Variants in ABTB2 observed in about 807,000 individuals in gnomAD.
ABTB2 encodes the protein ankyrin repeat and BTB domain containing 2.
ABTB2 carries 56 observed loss-of-function variants against 104.1 expected under a neutral mutation model. The ratio of observed to expected loss-of-function variants is 0.54; its 90% confidence interval spans 0.43 to 0.67. The LOEUF is 0.67. ABTB2 is among the 30% of genes least tolerant of loss of function. The pLI, the probability that ABTB2 is intolerant of heterozygous loss-of-function variation, is 0.00. For synonymous variants in ABTB2, 606 were observed against 608.2 expected (o/e 1.00, Z 0.05); for missense variants, 1,279 against 1,407.7 (o/e 0.91, Z 1.46).
intron 1 of ABTB2, among the ~76,000 whole-genome samples, chr11:34,244,794 G>A (rs1190409143): frequency 6.6e-6 from 1 of 152,170 alleles, no homozygotes; most frequent in Non-Finnish European, 1.5e-5. Context: ...GATCACTTGA[G>A]CCCAGGAGTT....
intron 1 of ABTB2, among the ~76,000 whole-genome samples, chr11:34,326,648 TTAAA>T: frequency 6.7e-6 from 1 of 148,968 alleles, no homozygotes. Flanking sequence ...AAAAAAAAGT[TTAAA>T]TAATCTAAAG....
chr11:34,227,087 A>T (rs1853697085), intron 1 of ABTB2, among the ~76,000 whole-genome samples: 1 of 152,088 alleles, frequency 6.6e-6, no homozygotes. Context: ...CAGCCTGGCC[A>T]ACATGGCGAA....
At chr11:34,336,896 TA>T (rs71457335) in intron 1 of ABTB2, among the ~76,000 whole-genome samples, 142 of 152,180 alleles carry the variant, frequency 9.3e-4, no homozygotes, top group Admixed American at 3.6e-3. Flanking sequence ...TTACGAGGTG[TA>T]GTTCATTTAA....
intron 1 of ABTB2, among the ~76,000 whole-genome samples, chr11:34,292,623 G>A (rs1398100290): frequency 7.2e-5 from 11 of 152,316 alleles, no homozygotes; most frequent in Middle Eastern, 3.4e-3. Context: ...TCTAGTGGGT[G>A]GAAGATGGAC....
At chr11:34,162,831 T>G (rs750928375) in intron 9 of ABTB2, 26 bp from the exon 10 acceptor site, 1 of 1,577,768 alleles carries the variant, frequency 6.3e-7, no homozygotes, top group South Asian at 1.1e-5. Context: ...TGAATGAAGG[T>G]GAGGGCTGAA....
chr11:34,355,169 A>C (rs1325943274), intron 1 of ABTB2, among the ~76,000 whole-genome samples: 2 of 152,244 alleles, frequency 1.3e-5, no homozygotes, highest in Non-Finnish European at 2.9e-5. Flanking sequence ...CTTGGTACAG[A>C]GTGTCTTCAA....
chr11:34,304,048 G>A (rs1300148807), intron 1 of ABTB2, among the ~76,000 whole-genome samples: 3 of 152,086 alleles, frequency 2.0e-5, no homozygotes, highest in Non-Finnish European at 4.4e-5. Context: ...GTTTTAAATC[G>A]AGTGCCGCTC....
At chr11:34,169,917 T>C (rs192550537) in intron 5 of ABTB2, among the ~76,000 whole-genome samples, 373 of 152,342 alleles carry the variant, frequency 2.4e-3, no homozygotes, top group Admixed American at 4.4e-3. Flanking sequence ...GGGTCCACCC[T>C]GGCCTCACGG....
intron 1 of ABTB2, among the ~76,000 whole-genome samples, chr11:34,286,438 A>G (rs61880458): frequency 3.3e-5 from 5 of 151,648 alleles, no homozygotes; most frequent in Middle Eastern, 3.4e-3. Flanking sequence ...GATTACAGGC[A>G]CCCGCCACCA....
At chr11:34,254,353 T>C (rs550566364) in intron 1 of ABTB2, among the ~76,000 whole-genome samples, 2 of 152,152 alleles carry the variant, frequency 1.3e-5, no homozygotes, top group East Asian at 3.9e-4. Flanking sequence ...GCTTAAGCGA[T>C]CCTACCACCT....
At chr11:34,155,787 C>G (rs1241611274) in intron 14 of ABTB2, among the ~76,000 whole-genome samples, 1 of 152,216 alleles carries the variant, frequency 6.6e-6, no homozygotes, top group Non-Finnish European at 1.5e-5. Flanking sequence ...GGGAAGCTCC[C>G]ACGGCCTTCT....
intron 1 of ABTB2, among the ~76,000 whole-genome samples, chr11:34,219,034 G>T (rs1853583039): frequency 9.7e-6 from 1 of 103,000 alleles, no homozygotes; most frequent in Non-Finnish European, 2.1e-5. Flanking sequence ...TTCATTACAC[G>T]CCTACTAATT....
chr11:34,296,714 G>A (rs1854626963), intron 1 of ABTB2, among the ~76,000 whole-genome samples: 1 of 152,186 alleles, frequency 6.6e-6, no homozygotes, highest in Non-Finnish European at 1.5e-5. Context: ...GAGACAGCAG[G>A]TGGCATAATC....
chr11:34,263,146 A>G (rs1201659031), intron 1 of ABTB2, among the ~76,000 whole-genome samples: 1 of 152,068 alleles, frequency 6.6e-6, no homozygotes, highest in Non-Finnish European at 1.5e-5. Flanking sequence ...CACTGAGGTT[A>G]AGGGTCCATC....
chr11:34,188,015 G>A (rs112114898), intron 3 of ABTB2, among the ~76,000 whole-genome samples: 2,502 of 152,266 alleles, frequency 0.016, 70 homozygotes, highest in African/African-American at 0.057. Flanking sequence ...GATAATAGCA[G>A]CTGCCATGCA....
At chr11:34,289,469 C>T (rs75363960) in intron 1 of ABTB2, among the ~76,000 whole-genome samples, 96 of 152,250 alleles carry the variant, frequency 6.3e-4, no homozygotes, top group African/African-American at 2.1e-3. Context: ...TTATCATTAT[C>T]CCATTCTCAA....
intron 1 of ABTB2, among the ~76,000 whole-genome samples, chr11:34,232,460 A>AAAAAAAAAC (rs1554984909): frequency 2.7e-5 from 4 of 147,466 alleles, no homozygotes; most frequent in African/African-American, 7.5e-5. Context: ...AAAAAAAAAA[A>AAAAAAAAAC]AAAAAATTGT....
At position 34,152,534 on chromosome 11, in the gene ABTB2, C is replaced by T. The variant is rs767404023; in HGVS notation, c.2931G>A (p.Lys977=). ...LALFCEGFFL[K]HMKALLEQDA... ...CCTGCTCCAGTAGGGCCTTCATGTG[C>T]TTGAGGAAGAAGCCCTCACAGAACA... The change falls in exon 17 of 17, where the codon AAG becomes AAA. Residue 977 remains lysine, a synonymous_variant. Transcript: ENST00000435224. 5 of 1,612,604 alleles carry T rather than the reference C, an allele frequency of 3.1e-6. No individual in the cohort carries two copies. In the South Asian group the frequency reaches 3.3e-5, roughly 11 times the overall value.
chr11:34,293,759 C>T (rs1854589674), intron 1 of ABTB2, among the ~76,000 whole-genome samples: 1 of 152,028 alleles, frequency 6.6e-6, no homozygotes, highest in African/African-American at 2.4e-5. Context: ...GAGTCTTCCT[C>T]TGTCGCCCAG....
Sources: gnomAD v4.1 joint callset for allele counts (sites outside exome capture counted in the v4.1 genomes callset) on GRCh38, gnomAD v4.1.1 for gene constraint, MANE v1.5 for transcripts, NCBI Gene and HGNC (gene_info 2026-07-23, HGNC 2026-07-21) for gene names.